The following NUCB1 variants were observed in gnomAD, a reference collection of about 807,000 sequenced individuals.
The protein encoded by NUCB1 is nucleobindin-1.
NUCB1 carries 47 observed loss-of-function variants against 61.2 expected under a neutral mutation model. That is an observed-to-expected ratio of 0.77 (90% CI 0.61 to 0.98). The LOEUF (loss-of-function observed/expected upper bound fraction) is 0.98, where lower values mean the gene tolerates loss of function less well. NUCB1 is among the 50% of genes least tolerant of loss of function. The pLI is 0.00. For synonymous variants in NUCB1, 234 were observed against 243.1 expected (o/e 0.96, Z 0.35); for missense variants, 583 against 605.3 (o/e 0.96, Z 0.39).
chr19:48,909,233 A>AATT (rs1298658326), intron 4 of NUCB1, among the ~76,000 whole-genome samples: 1 of 146,868 alleles, frequency 6.8e-6, no homozygotes, highest in Non-Finnish European at 1.5e-5. Context: ...ATTTTTTATT[A>AATT]ATTATTATTA....
In NUCB1 at chr19:48,905,896, G is replaced by A. The variant is rs1212011886; in HGVS notation, c.376+11G>A. ...CCGAGCAGGATCCCAGTGAGCAGGGGCAGGGCGGGAGGGACAGGCAGGGAG... is the reference window on the plus strand; with the variant it reads ...CCGAGCAGGATCCCAGTGAGCAGGGACAGGGCGGGAGGGACAGGCAGGGAG... On this transcript the variant is annotated intron_variant, in intron 4 of 12. Transcript: ENST00000405315. 1 of 1,516,082 alleles carries A rather than the reference G, an allele frequency of 6.6e-7. No homozygotes were observed. Among genetic ancestry groups the A allele is most frequent in the African/African-American group, 1.4e-5 (1 of 72,428 alleles). 93.9% of individuals were successfully genotyped at this position (1,516,082 alleles called of 1,614,324 possible).
intron 3 of NUCB1, among the ~76,000 whole-genome samples, chr19:48,905,474 A>G (rs2037400752): frequency 6.6e-6 from 1 of 152,036 alleles, no homozygotes; most frequent in Non-Finnish European, 1.5e-5. Context: ...CTCCCACCTC[A>G]GCCTCCCAAA....
chr19:48,918,072 G>C (rs2037561323), intron 7 of NUCB1, among the ~76,000 whole-genome samples: 1 of 152,136 alleles, frequency 6.6e-6, no homozygotes, highest in Non-Finnish European at 1.5e-5. Context: ...GGCCACACTA[G>C]CATGTGGAGG....
At chr19:48,913,781 C>T (rs533118557) in intron 7 of NUCB1, among the ~76,000 whole-genome samples, 24 of 152,200 alleles carry the variant, frequency 1.6e-4, no homozygotes, top group African/African-American at 4.6e-4. Context: ...AAACACCAGA[C>T]CTCGGGGTTC....
Position 48,904,471 on chromosome 19 carries a change from G to T in NUCB1, c.243+17G>T, listed in dbSNP as rs1278230049. On this transcript the variant is annotated intron_variant, in intron 3 of 12. Coordinates refer to ENST00000405315, the MANE Select transcript of NUCB1 (RefSeq NM_006184.6). ...GACATCAAGGTGCGGCTGGGGGAGT[G>T]GGGGCTGTGGGAGGGGTACGTGCTG... The T allele has an allele frequency of 1.9e-6, 3 of 1,540,486 alleles. No homozygotes were observed. The highest frequency in any genetic ancestry group is 2.7e-6 in the Non-Finnish European group (3 of 1,115,824).
intron 2 of NUCB1, 182 bp downstream of exon 2, chr19:48,901,113 G>C: frequency 1.8e-6 from 1 of 566,648 alleles, no homozygotes; most frequent in South Asian, 2.5e-5. Flanking sequence ...GGAGGTCCCT[G>C]ACTCTGAGGT....
chr19:48,919,220 G>A lies in NUCB1; in HGVS notation c.936G>A (p.Val312=), dbSNP rs756718671. The A allele has an allele frequency of 3.8e-5, 62 of 1,613,926 alleles. No homozygotes were observed. In the South Asian group the frequency reaches 4.5e-4, roughly 12 times the overall value. ...KNVDTNQDRL[V]TLEEFLASTQ... Reference sequence around the variant, plus strand: ...TGGACACCAACCAGGACCGCCTCGTGACCCTGGAGGAGTTCCTCGCATCCA... The same window carrying A: ...TGGACACCAACCAGGACCGCCTCGTAACCCTGGAGGAGTTCCTCGCATCCA... Residue 312 remains valine, a synonymous_variant, in exon 10 of 13, where the codon GTG becomes GTA. Coordinates refer to ENST00000405315, the MANE Select transcript of NUCB1 (RefSeq NM_006184.6).
In NUCB1 at chr19:48,919,452, CTTAT is replaced by C. The variant is rs35642334; in HGVS notation, c.1002+204_1002+207del. Among the ~76,000 whole-genome samples, 822 of 141,930 alleles carry C rather than the reference CTTAT, an allele frequency of 5.8e-3. 3 individuals are homozygous for C. The highest frequency in any genetic ancestry group is 0.014 in the Middle Eastern group (4 of 282). 93.1% of individuals were successfully genotyped at this position (141,930 alleles called of 152,430 possible). A position where few individuals can be genotyped will look rare whatever the true frequency, so the allele number is the denominator to read the frequency against. On this transcript the variant is annotated intron_variant, in intron 10 of 12. Coordinates refer to ENST00000405315, the MANE Select transcript of NUCB1 (RefSeq NM_006184.6). ...TCTGTTTTCCCCTGTCTCTAGGACT[CTTAT>C]TTATTTATTTATTTATTTATTTATT...
chr19:48,922,216 G>A, intron 12 of NUCB1, 102 bp from the exon 13 acceptor site: 1 of 945,212 alleles, frequency 1.1e-6, no homozygotes, highest in East Asian at 2.4e-5. Flanking sequence ...GGGGCTGGGG[G>A]CTGGACCCCT....
chr19:48,917,474 C>A (rs1157195929), intron 7 of NUCB1, among the ~76,000 whole-genome samples: 1 of 145,986 alleles, frequency 6.8e-6, no homozygotes, highest in East Asian at 2.0e-4. Flanking sequence ...TAGGTGCACA[C>A]CACCATGCCC....
intron 6 of NUCB1, 29 bp downstream of exon 6, chr19:48,913,225 C>T (rs770576925): frequency 1.9e-6 from 3 of 1,584,740 alleles, no homozygotes; most frequent in East Asian, 2.2e-5. Context: ...CCCATCCACT[C>T]CCTACCACAT....
chr19:48,915,822 GTTTTT>G (rs1056812677), intron 7 of NUCB1, among the ~76,000 whole-genome samples: 1 of 145,912 alleles, frequency 6.9e-6, no homozygotes, highest in Non-Finnish European at 1.5e-5. Flanking sequence ...GTTTTGTTTT[GTTTTT>G]TTTTTGAGAC....
chr19:48,915,543 G>C (rs994392907), intron 7 of NUCB1, among the ~76,000 whole-genome samples: 1 of 152,042 alleles, frequency 6.6e-6, no homozygotes, highest in African/African-American at 2.4e-5. Flanking sequence ...AGAAGATTCT[G>C]TAATGGGGTC....
At chr19:48,909,269 CAG>C (rs2037447285) in intron 4 of NUCB1, among the ~76,000 whole-genome samples, 1 of 149,246 alleles carries the variant, frequency 6.7e-6, no homozygotes, top group East Asian at 1.9e-4. Flanking sequence ...TTTTCCAAGA[CAG>C]AGTTTTGCTC....
chr19:48,906,505 G>A (rs910572893), intron 4 of NUCB1, among the ~76,000 whole-genome samples: 3 of 151,730 alleles, frequency 2.0e-5, no homozygotes, highest in East Asian at 1.9e-4. Flanking sequence ...AGAATCACTC[G>A]AGCCCAGAAG....
chr19:48,909,350 C>T (rs1433843324), intron 4 of NUCB1, among the ~76,000 whole-genome samples: 10 of 151,350 alleles, frequency 6.6e-5, no homozygotes, highest in Middle Eastern at 3.4e-3. Flanking sequence ...CAGGTTCAAG[C>T]GATTCTCCTG....
rs143557740 is a variant in NUCB1, at chr19:48,916,171, C to CGTGTGT, written c.758-2532_758-2527dup. ...GCAAGTAGAATCTTTTGGTATTTGT[C>CGTGTGT]GTGTGTGTGTGTGTGTGTGTGTGTG... On this transcript the variant is annotated intron_variant, in intron 7 of 12. Transcript: ENST00000405315. Among the ~76,000 whole-genome samples, 830 of 147,780 alleles carry CGTGTGT rather than the reference C, an allele frequency of 5.6e-3. 5 individuals carry two copies. Among genetic ancestry groups the CGTGTGT allele is most frequent in the African/African-American group, 0.019 (777 of 40,322 alleles).
chr19:48,921,657 A>G (rs1025304917), intron 11 of NUCB1, among the ~76,000 whole-genome samples, 170 bp from the exon 12 acceptor site: 2 of 152,136 alleles, frequency 1.3e-5, no homozygotes, highest in African/African-American at 4.8e-5. Flanking sequence ...ATCCTTGACT[A>G]TTATTAAGCC....
intron 7 of NUCB1, 23 bp downstream of exon 7, chr19:48,913,587 G>C (rs1376802350): frequency 6.3e-7 from 1 of 1,583,304 alleles, no homozygotes; most frequent in Non-Finnish European, 8.7e-7. Context: ...GGGAGTTCCA[G>C]AGCCAGGATG....
Sources: gnomAD v4.1 joint callset for allele counts (sites outside exome capture counted in the v4.1 genomes callset) on GRCh38, gnomAD v4.1.1 for gene constraint, MANE v1.5 for transcripts, NCBI Gene and HGNC (gene_info 2026-07-23, HGNC 2026-07-21) for gene names.